Variants in CSMD1 observed in about 807,000 individuals in gnomAD.
The protein encoded by CSMD1 is CUB and sushi domain-containing protein 1.
A neutral mutation model predicts 417.5 loss-of-function variants in CSMD1; 213 were observed. The ratio of observed to expected loss-of-function variants is 0.51; its 90% CI spans 0.46 to 0.57. The LOEUF (loss-of-function observed/expected upper bound fraction) is 0.57, where lower values mean the gene tolerates loss of function less well. Ranked by LOEUF, CSMD1 falls within the 20% of genes least tolerant of loss-of-function variation. CSMD1 has a pLI of 0.00. For missense variants in CSMD1, 6,923 were observed against 4,529.7 expected (o/e 1.53, Z -15.17); for synonymous variants, 2,862 against 1,736.8 (o/e 1.65, Z -16.11).
chr8:3,426,746 C>G (rs1011314047), intron 12 of CSMD1, among the ~76,000 whole-genome samples: 1 of 152,154 alleles, frequency 6.6e-6, no homozygotes, highest in African/African-American at 2.4e-5. Flanking sequence ...AAATGTAGGC[C>G]TGACATAAAC....
chr8:4,355,033 C>A (rs927947575), intron 3 of CSMD1, among the ~76,000 whole-genome samples: 9 of 151,886 alleles, frequency 5.9e-5, no homozygotes, highest in African/African-American at 1.7e-4. Context: ...GAGGCCGAGG[C>A]GGGCGGATGA....
chr8:4,478,674 G>A (rs1048578523), intron 2 of CSMD1, among the ~76,000 whole-genome samples: 3 of 152,148 alleles, frequency 2.0e-5, no homozygotes, highest in African/African-American at 7.2e-5. Context: ...AATTTTATAT[G>A]GCCATGGTGC....
chr8:4,474,354 G>A (rs1028075397), intron 2 of CSMD1, among the ~76,000 whole-genome samples: 5 of 152,146 alleles, frequency 3.3e-5, no homozygotes, highest in African/African-American at 1.2e-4. Context: ...ATTTTATGCT[G>A]GTGTTGTCTA....
At chr8:4,164,176 G>T (rs1797325222) in intron 3 of CSMD1, among the ~76,000 whole-genome samples, 2 of 143,318 alleles carry the variant, frequency 1.4e-5, no homozygotes, top group African/African-American at 5.2e-5. Context: ...ATGAGTTTAA[G>T]GAATTAATAC....
intron 10 of CSMD1, among the ~76,000 whole-genome samples, chr8:3,503,880 T>TCAACTC (rs1796713310): frequency 6.8e-6 from 1 of 147,228 alleles, no homozygotes; most frequent in Non-Finnish European, 1.5e-5. Context: ...TAGCCACTGT[T>TCAACTC]CAACTCTCGA....
chr8:3,864,383 A>C (rs1232913451), intron 5 of CSMD1, among the ~76,000 whole-genome samples: 1 of 152,172 alleles, frequency 6.6e-6, no homozygotes, highest in South Asian at 2.1e-4. Context: ...TACATTTTTA[A>C]TCAAAAGGTG....
intron 3 of CSMD1, among the ~76,000 whole-genome samples, chr8:4,184,146 G>A (rs912704222): frequency 2.0e-5 from 3 of 152,060 alleles, no homozygotes; most frequent in African/African-American, 4.8e-5. Flanking sequence ...ATATATAAAT[G>A]CATAACTATG....
intron 7 of CSMD1, among the ~76,000 whole-genome samples, chr8:3,669,400 G>C (rs895370772): frequency 2.0e-5 from 3 of 152,298 alleles, no homozygotes; most frequent in East Asian, 3.9e-4. Flanking sequence ...GGGCTGGCCA[G>C]TCTAGGGGTT....
chr8:3,680,211 T>C (rs1212720388), intron 7 of CSMD1, among the ~76,000 whole-genome samples: 2 of 151,734 alleles, frequency 1.3e-5, no homozygotes, highest in Non-Finnish European at 1.5e-5. Context: ...GAGATGGAGA[T>C]ACAAAAAAAC....
intron 49 of CSMD1, among the ~76,000 whole-genome samples, chr8:3,072,131 T>A (rs1469371018): frequency 6.6e-6 from 1 of 152,172 alleles, no homozygotes; most frequent in African/African-American, 2.4e-5. Flanking sequence ...TGGCAGAAAG[T>A]CTCGAGTCTC....
chr8:3,186,723 A>G (rs1297921252), intron 36 of CSMD1, among the ~76,000 whole-genome samples: 1 of 152,230 alleles, frequency 6.6e-6, no homozygotes, highest in Non-Finnish European at 1.5e-5. Context: ...AGAGATAAAC[A>G]ACTGACAGAA....
At chr8:2,983,049 G>C (rs891309569) in intron 54 of CSMD1, among the ~76,000 whole-genome samples, 1 of 152,130 alleles carries the variant, frequency 6.6e-6, no homozygotes, top group Non-Finnish European at 1.5e-5. Context: ...CCTGTTATGT[G>C]ATGAGGAAAC....
At chr8:4,852,687 C>T (rs117169473) in intron 1 of CSMD1, among the ~76,000 whole-genome samples, 2,479 of 152,038 alleles carry the variant, frequency 0.016, 27 homozygotes, top group Non-Finnish European at 0.026. Context: ...ACTCAAAAGA[C>T]GACAGGAAGA....
chr8:2,998,064 C>T lies in CSMD1; in HGVS notation c.8324G>A (p.Arg2775Gln), dbSNP rs577452625. Residue 2775 changes from arginine to glutamine, a missense_variant, in exon 54 of 70, where the codon CGA becomes CAA. Coordinates refer to ENST00000635120, the MANE Select transcript of CSMD1 (RefSeq NM_033225.6). Reference sequence around the variant, plus strand: ...CTGGCCGTTGCTCCGACACTGGGCTCGAGACACGCCCTGCAGCAAATAGCC... The same window carrying T: ...CTGGCCGTTGCTCCGACACTGGGCTTGAGACACGCCCTGCAGCAAATAGCC... ...NTGYLLQGVS[R>Q]AQCRSNGQWS... 4.3e-6 allele frequency: 7 copies of T among 1,613,938 alleles called. No homozygotes were observed. Among genetic ancestry groups the T allele is most frequent in the African/African-American group, 2.7e-5 (2 of 75,022 alleles).
chr8:3,352,535 G>C (rs1284410308), intron 21 of CSMD1, among the ~76,000 whole-genome samples: 1 of 152,120 alleles, frequency 6.6e-6, no homozygotes, highest in African/African-American at 2.4e-5. Context: ...CACAGTGCAT[G>C]TTCTTATTAC....
intron 5 of CSMD1, among the ~76,000 whole-genome samples, chr8:3,865,142 G>C (rs571249103): frequency 1.3e-4 from 20 of 152,314 alleles, no homozygotes; most frequent in Admixed American, 3.9e-4. Context: ...TTCTGTGTGT[G>C]TTCCAGCTCA....
intron 2 of CSMD1, among the ~76,000 whole-genome samples, chr8:4,552,444 G>A (rs1585239618): frequency 6.6e-6 from 1 of 152,062 alleles, no homozygotes; most frequent in Non-Finnish European, 1.5e-5. Flanking sequence ...TCAACAATGT[G>A]AAGGTGTAGA....
At chr8:3,445,567 G>C (rs769359424) in intron 12 of CSMD1, among the ~76,000 whole-genome samples, 1 of 152,074 alleles carries the variant, frequency 6.6e-6, no homozygotes, top group African/African-American at 2.4e-5. Flanking sequence ...TCTTATGAAA[G>C]TGCGGATGAT....
At chr8:2,997,977 G>A (rs1243844850) in intron 54 of CSMD1, 34 bp downstream of exon 54, 27 of 1,599,100 alleles carry the variant, frequency 1.7e-5, no homozygotes, top group East Asian at 2.2e-5. Flanking sequence ...AACACTCTCA[G>A]AGCAAAGGGC....
Sources: gnomAD v4.1 joint callset for allele counts (sites outside exome capture counted in the v4.1 genomes callset) on GRCh38, gnomAD v4.1.1 for gene constraint, MANE v1.5 for transcripts, NCBI Gene and HGNC (gene_info 2026-07-23, HGNC 2026-07-21) for gene names.